The following SUCLG2 variants were observed in gnomAD, a reference collection of about 807,000 sequenced individuals.
SUCLG2 encodes the protein succinate-CoA ligase GDP-forming subunit beta, also known as succinate--CoA ligase [GDP-forming] subunit beta, mitochondrial.
Under a neutral mutation model 47.9 loss-of-function variants are expected in SUCLG2, and 42 were observed. The ratio of observed to expected loss-of-function variants is 0.88; its 90% CI spans 0.69 to 1.14. The LOEUF is 1.14. Among genes scored for constraint, SUCLG2 ranks in the 50% most tolerant of loss-of-function variants. SUCLG2 has a pLI of 0.00. For synonymous variants in SUCLG2, 195 were observed against 197.3 expected (o/e 0.99, Z 0.10); for missense variants, 571 against 525.9 (o/e 1.09, Z -0.84).
At chr3:67,539,353 G>T (rs1575763968) in intron 2 of SUCLG2, among the ~76,000 whole-genome samples, 3 of 152,244 alleles carry the variant, frequency 2.0e-5, no homozygotes, top group East Asian at 3.9e-4. Flanking sequence ...TTATGTGATG[G>T]ATTATGTTAA....
intron 2 of SUCLG2, among the ~76,000 whole-genome samples, chr3:67,535,218 T>A (rs1478158658): frequency 6.6e-6 from 1 of 152,126 alleles, no homozygotes; most frequent in Non-Finnish European, 1.5e-5. Context: ...CAGCCAGGGT[T>A]CAATTAAGGA....
Position 67,613,571 on chromosome 3 carries a change from C to A in SUCLG2, c.85-3975G>T, listed in dbSNP as rs143713833. Among the ~76,000 whole-genome samples the A allele has an allele frequency of 3.5e-3, 527 of 152,266 alleles. 2 individuals are homozygous for A. The highest frequency in any genetic ancestry group is 5.1e-3 in the Non-Finnish European group (347 of 68,020). On this transcript the variant is annotated intron_variant, in intron 1 of 10. Coordinates refer to ENST00000307227, the MANE Select transcript of SUCLG2 (RefSeq NM_003848.4). ...TTCAAGATGGTAGCTGATCTATCAGCCAGGGACCAGAATAAGGATGGACAT... is the reference window on the plus strand; with the variant it reads ...TTCAAGATGGTAGCTGATCTATCAGACAGGGACCAGAATAAGGATGGACAT...
At chr3:67,376,511 G>A (rs1194732124) in intron 10 of SUCLG2, 11 of 981,608 alleles carry the variant, frequency 1.1e-5, no homozygotes, top group African/African-American at 1.8e-5. Context: ...AACTCCTGTA[G>A]GAGAAATGTA....
intron 9 of SUCLG2, among the ~76,000 whole-genome samples, chr3:67,448,262 A>C (rs1224391281): frequency 1.3e-5 from 2 of 152,246 alleles, no homozygotes; most frequent in Non-Finnish European, 2.9e-5. Context: ...TGAATGAAAT[A>C]GTTTCATTTG....
intron 9 of SUCLG2, among the ~76,000 whole-genome samples, chr3:67,445,628 T>TAA (rs1172771655): frequency 3.4e-4 from 2 of 5,850 alleles, no homozygotes; most frequent in East Asian, 7.7e-3. Context: ...AAAAATAAAT[T>TAA]AAAAAAAAAA....
At chr3:67,550,379 A>T (rs1281659074) in intron 2 of SUCLG2, among the ~76,000 whole-genome samples, 1 of 151,658 alleles carries the variant, frequency 6.6e-6, no homozygotes, top group East Asian at 1.9e-4. Context: ...TCACTCTATC[A>T]CCCAGGCTGG....
chr3:67,456,258 C>T (rs1359622234), intron 9 of SUCLG2, among the ~76,000 whole-genome samples: 1 of 152,056 alleles, frequency 6.6e-6, no homozygotes, highest in Admixed American at 6.5e-5. Context: ...TATTACCAAT[C>T]AAATAAAAAA....
intron 2 of SUCLG2, among the ~76,000 whole-genome samples, chr3:67,605,915 A>G (rs1700405736): frequency 6.6e-6 from 1 of 152,022 alleles, no homozygotes; most frequent in Non-Finnish European, 1.5e-5. Flanking sequence ...CAGAAATTCT[A>G]TTAAAAGCAT....
intron 9 of SUCLG2, among the ~76,000 whole-genome samples, chr3:67,447,820 C>A (rs997411491): frequency 5.9e-5 from 9 of 152,252 alleles, no homozygotes; most frequent in African/African-American, 2.2e-4. Flanking sequence ...ACCTCTGCTC[C>A]CGGGTTCAAG....
At chr3:67,615,777 C>T (rs190076809) in intron 1 of SUCLG2, among the ~76,000 whole-genome samples, 1 of 152,042 alleles carries the variant, frequency 6.6e-6, no homozygotes, top group Non-Finnish European at 1.5e-5. Context: ...AACTAAAGCA[C>T]CCCCATTCTC....
intron 9 of SUCLG2, among the ~76,000 whole-genome samples, chr3:67,441,395 G>A (rs1006973128): frequency 5.9e-5 from 9 of 151,902 alleles, no homozygotes; most frequent in Admixed American, 4.6e-4. Flanking sequence ...TGGCTTCAGT[G>A]TTGTGTTGAG....
intron 10 of SUCLG2, among the ~76,000 whole-genome samples, chr3:67,369,637 G>A (rs1701925351): frequency 6.6e-6 from 1 of 152,190 alleles, no homozygotes; most frequent in African/African-American, 2.4e-5. Context: ...TGGAAGAGCT[G>A]CACCATGCTG....
At chr3:67,546,717 A>C (rs544827376) in intron 2 of SUCLG2, among the ~76,000 whole-genome samples, 187 of 152,288 alleles carry the variant, frequency 1.2e-3, no homozygotes, top group Non-Finnish European at 1.6e-3. Flanking sequence ...CCTGGGCCAC[A>C]GAGTAAGACT....
At chr3:67,580,961 G>A (rs1440039583) in intron 2 of SUCLG2, among the ~76,000 whole-genome samples, 3 of 152,164 alleles carry the variant, frequency 2.0e-5, no homozygotes, top group African/African-American at 7.2e-5. Flanking sequence ...AATACCTTCC[G>A]AAAATATGAC....
chr3:67,557,969 A>G (rs115134633), intron 2 of SUCLG2, among the ~76,000 whole-genome samples: 1,753 of 152,276 alleles, frequency 0.012, 20 homozygotes, highest in Non-Finnish European at 0.019. Context: ...TCATTTGAAT[A>G]TGATTAAACT....
intron 2 of SUCLG2, among the ~76,000 whole-genome samples, chr3:67,549,165 T>C (rs1408730542): frequency 6.6e-6 from 1 of 152,238 alleles, no homozygotes; most frequent in African/African-American, 2.4e-5. Flanking sequence ...TCTGTGTGGC[T>C]CTTCCATTTT....
chr3:67,375,571 T>C lies in SUCLG2; in HGVS notation c.*173A>G. 7.1e-7 allele frequency: 1 copy of C among 1,408,452 alleles called. No individual in the cohort carries two copies. Among genetic ancestry groups the C allele is most frequent in the Non-Finnish European group, 9.2e-7 (1 of 1,085,032 alleles). 87.2% of individuals were successfully genotyped at this position (1,408,452 alleles called of 1,614,324 possible). A position where few individuals can be genotyped will look rare whatever the true frequency, so the allele number is the denominator to read the frequency against. On this transcript the variant is annotated 3_prime_UTR_variant, in exon 11 of 11. Coordinates refer to ENST00000307227, the MANE Select transcript of SUCLG2 (RefSeq NM_003848.4). ...TTTTTATAAAGACCAAAATCAGATT[T>C]AGGCTGTCTAGATATCTTATTCCAG...
At chr3:67,432,322 T>C (rs900598788) in intron 9 of SUCLG2, among the ~76,000 whole-genome samples, 3 of 152,146 alleles carry the variant, frequency 2.0e-5, no homozygotes, top group Admixed American at 2.0e-4. Context: ...CAGACAGCAA[T>C]TGGTCTTAGT....
chr3:67,367,466 C>T (rs1259092975), intron 10 of SUCLG2, among the ~76,000 whole-genome samples: 1 of 152,064 alleles, frequency 6.6e-6, no homozygotes, highest in Non-Finnish European at 1.5e-5. Context: ...TAACTTTATG[C>T]AGTGCTTTTT....
Sources: gnomAD v4.1 joint callset for allele counts (sites outside exome capture counted in the v4.1 genomes callset) on GRCh38, gnomAD v4.1.1 for gene constraint, MANE v1.5 for transcripts, NCBI Gene and HGNC (gene_info 2026-07-23, HGNC 2026-07-21) for gene names.